GPC2: variants seen among roughly 807,000 people sequenced by gnomAD.
GPC2 encodes the protein glypican 2, also known as glypican-2.
GPC2 carries 42 observed loss-of-function variants against 57.3 expected under a neutral mutation model. That is an observed-to-expected ratio of 0.73 (90% CI 0.57 to 0.95). The LOEUF (loss-of-function observed/expected upper bound fraction) is 0.95, where lower values mean the gene tolerates loss of function less well. Among genes scored for constraint, GPC2 ranks in the 40% least tolerant of loss-of-function variants. The probability of loss-of-function intolerance (pLI) is 0.00; values close to 1 mark genes in which losing one functional copy is unlikely to be tolerated. For missense variants in GPC2, 745 were observed against 793.6 expected, an observed-to-expected ratio of 0.94 and a Z score of 0.74; for synonymous variants, 364 against 343.4, an observed-to-expected ratio of 1.06 and a Z score of -0.66.
Position 100,171,455 on chromosome 7 carries a change from C to A in GPC2, c.1311-19G>T. 1 of 1,370,626 alleles carries A rather than the reference C, an allele frequency of 7.3e-7. No individual in the cohort carries two copies. The highest frequency in any genetic ancestry group is 3.1e-5 in the East Asian group (1 of 32,472). The allele number at this position is 1,370,626 out of a possible 1,614,324, so 84.9% of individuals were successfully genotyped here. A position where few individuals can be genotyped will look rare whatever the true frequency, so the allele number is the denominator to read the frequency against. On this transcript the variant is annotated intron_variant, in intron 8 of 9. Transcript: ENST00000292377. The surrounding 1 kb of genome is among the most constrained non-coding windows in gnomAD (Gnocchi z 4.8). The stretch of plus-strand genomic sequence containing the variant: ...CAAGTACCTGCGAGCAGAGCAGCCC[C>A]GAAGCGCCAGCTAGCGCGCGCGGCC...
chr7:100,177,056 T>G lies in GPC2; in HGVS notation c.144A>C (p.Leu48=). ...CACCTGAGATCAGGGCGGGAGGGAT[T>G]AGGTTTAAGCTATATCCCCGGGCCC... The part of the protein sequence containing the change: ...VLGARGYSLN[L]IPPALISGEH... The change falls in exon 1 of 10, where the codon CTA becomes CTC. Residue 48 remains leucine (L), a synonymous_variant. Coordinates refer to ENST00000292377, the MANE Select transcript of GPC2 (RefSeq NM_152742.3). 4 of 1,509,946 alleles carry G rather than the reference T, an allele frequency of 2.6e-6. No individual in the cohort carries two copies. The South Asian group carries it at 4.5e-5, about 17-fold the overall frequency. The allele number at this position is 1,509,946 out of a possible 1,614,324, so 93.5% of individuals were successfully genotyped here. A position where few individuals can be genotyped will look rare whatever the true frequency, so the allele number is the denominator to read the frequency against.
In GPC2 at chr7:100,173,894, T is replaced by C. The variant is rs756842148; in HGVS notation, c.833A>G (p.Asn278Ser). The C allele has an allele frequency of 8.1e-6, 13 of 1,604,612 alleles. No individual in the cohort carries two copies. Among genetic ancestry groups the C allele is most frequent in the African/African-American group, 4.0e-5 (3 of 74,212 alleles). Residue 278 changes from asparagine to serine, a missense_variant, in exon 5 of 10, where the codon AAC becomes AGC. This residue lies in a region of GPC2 where 607 missense variants were observed against 603.9 expected (regional missense o/e 1.01). Coordinates refer to ENST00000292377, the MANE Select transcript of GPC2 (RefSeq NM_152742.3). The part of the protein sequence containing the change: ...SLMPCQGFCL[N>S]VVRGCLSSRG... ...GCTGCTGAGACAGCCACGAACCACG[T>C]TGAGGCAGAAGCCCTGGCAGGGCAT...
At chr7:100,176,798 G>A (rs933310117) in intron 1 of GPC2, among the ~76,000 whole-genome samples, 9 of 152,182 alleles carry the variant, frequency 5.9e-5, no homozygotes, top group Admixed American at 1.3e-4. Context: ...ACACATAGGG[G>A]GTGTTAATTA....
At chr7:100,172,356 C>T in intron 5 of GPC2, 139 bp from the exon 6 acceptor site, 2 of 913,032 alleles carry the variant, frequency 2.2e-6, no homozygotes, top group Non-Finnish European at 3.3e-6. Flanking sequence ...CTCATGTATC[C>T]CCCCAATTTG....
rs1799262417 is a variant in GPC2 at position 100,175,886 on chromosome 7, G to A, written c.334C>T (p.Leu112=). The A allele has an allele frequency of 6.2e-7, 1 of 1,612,908 alleles. No individual in the cohort carries two copies. The highest frequency in any genetic ancestry group is 1.3e-5 in the African/African-American group (1 of 74,826). Residue 112 remains leucine, a synonymous_variant, in exon 3 of 10, where the codon CTG becomes TTG. Transcript: ENST00000292377. ...ARHRKFDEFF[L]EMLSVAQHSL... ...TGCTGGGCTACTGAGAGCATCTCCAGAAAAAACTCTGCAGCAAATGCAGGG... is the reference window on the plus strand; with the variant it reads ...TGCTGGGCTACTGAGAGCATCTCCAAAAAAAACTCTGCAGCAAATGCAGGG...
At chr7:100,174,799 A>G in intron 3 of GPC2, 34 bp from the exon 4 acceptor site, 1 of 1,553,978 alleles carries the variant, frequency 6.4e-7, no homozygotes. Flanking sequence ...GAAAAACCAC[A>G]AGGTTGTTAT....
At chr7:100,175,117 G>A (rs1033371404) in intron 3 of GPC2, among the ~76,000 whole-genome samples, 5 of 152,200 alleles carry the variant, frequency 3.3e-5, no homozygotes, top group African/African-American at 1.2e-4. Flanking sequence ...GGGAGCCTCA[G>A]TTTTCTCATC....
At position 100,170,473 on chromosome 7, in the gene GPC2, G is replaced by A; in HGVS notation, c.1497C>T (p.Ala499=). 1 of 1,529,826 alleles carries A rather than the reference G, an allele frequency of 6.5e-7. No individual in the cohort carries two copies. The highest frequency in any genetic ancestry group is 8.8e-7 in the Non-Finnish European group (1 of 1,135,016). 94.8% of individuals were successfully genotyped at this position (1,529,826 alleles called of 1,614,324 possible). Residue 499 remains alanine (A), a synonymous_variant, in exon 10 of 10, where the codon GCC becomes GCT. Transcript: ENST00000292377. ...DLDGQDADED[A]SGSGGGQQYA... is the part of the protein sequence containing the mutation. ...ACTGCTGTCCCCCTCCAGAGCCGCT[G>A]GCATCCTCATCTGCAAGGAAGAAGA...
At position 100,177,332 on chromosome 7, in the gene GPC2, T is replaced by G; in HGVS notation, c.-133A>C. The G allele has an allele frequency of 1.4e-6, 1 of 702,430 alleles. No individual in the cohort carries two copies. 43.5% of individuals were successfully genotyped at this position (702,430 alleles called of 1,614,324 possible). A position where few individuals can be genotyped will look rare whatever the true frequency, so the allele number is the denominator to read the frequency against. On this transcript the variant is annotated 5_prime_UTR_variant, in exon 1 of 10. Coordinates refer to ENST00000292377, the MANE Select transcript of GPC2 (RefSeq NM_152742.3). Reference sequence around the variant, plus strand: ...AAGAGCGCTGCTCCGGAAAACTGAATACCGAGCACGATAGCTGGACCAGGC... The same window carrying G: ...AAGAGCGCTGCTCCGGAAAACTGAAGACCGAGCACGATAGCTGGACCAGGC...
chr7:100,170,364 C>T lies in GPC2; in HGVS notation c.1606G>A (p.Gly536Arg), dbSNP rs746924048. Residue 536 changes from glycine (G) to arginine (R), a missense_variant, in exon 10 of 10, where the codon GGG becomes AGG. By Grantham distance (125) the Gly-to-Arg change is moderately radical. This residue lies in a region of GPC2 where 607 missense variants were observed against 603.9 expected (regional missense o/e 1.01). Transcript: ENST00000292377. ...PPYPPRRDGS[G>R]GKGGGGSARY... ...GCACTGCCACCTCCTCCTTTGCCCCCAGAACCATCCCTTCTAGGAGGGTAT... is the reference window on the plus strand; with the variant it reads ...GCACTGCCACCTCCTCCTTTGCCCCTAGAACCATCCCTTCTAGGAGGGTAT... 1 of 1,613,456 alleles carries T rather than the reference C, an allele frequency of 6.2e-7. No individual in the cohort carries two copies. The highest frequency in any genetic ancestry group is 8.5e-7 in the Non-Finnish European group (1 of 1,179,782).
rs1054610375 is a variant in GPC2 at position 100,171,089 on chromosome 7, T to C, written c.1486+172A>G. On this transcript the variant is annotated intron_variant, in intron 9 of 9. Coordinates refer to ENST00000292377, the MANE Select transcript of GPC2 (RefSeq NM_152742.3). The surrounding 1 kb of genome is among the most constrained non-coding windows in gnomAD (Gnocchi z 4.8). ...GCCTGAAAGGATACAGACCCCCTCA[T>C]TGATCTGTTACCCCCAGTCTTTCAG... is the stretch of plus-strand genomic sequence containing the variant. The C allele has an allele frequency of 6.9e-6, 4 of 576,842 alleles. No homozygotes were observed. Among genetic ancestry groups the C allele is most frequent in the Admixed American group, 7.8e-5 (2 of 25,716 alleles). The allele number at this position is 576,842 out of a possible 1,614,324, so 35.7% of individuals were successfully genotyped here. A position where few individuals can be genotyped will look rare whatever the true frequency, so the allele number is the denominator to read the frequency against.
chr7:100,176,315 T>A lies in GPC2; in HGVS notation c.217A>T (p.Thr73Ser). Residue 73 changes from threonine (T) to serine (S), a missense_variant, in exon 2 of 10, where the codon ACA (threonine) becomes TCA (serine). Physicochemically the swap from Thr to Ser is moderately conservative, Grantham distance 58. This residue lies in a region of GPC2 where 138 missense variants were observed against 189.8 expected (regional missense o/e 0.73). Coordinates refer to ENST00000292377, the MANE Select transcript of GPC2 (RefSeq NM_152742.3). ...PQEYTCCSSETEQRLIRETEA... is the reference protein window; with the variant it reads ...PQEYTCCSSESEQRLIRETEA... ...GTCTCCCTGATCAGCCTCTGCTCTG[T>A]CTCACTGGAACAGCAGGTGTACTCC... 6.2e-7 allele frequency: 1 copy of A among 1,614,034 alleles called. No homozygotes were observed. The highest frequency in any genetic ancestry group is 8.5e-7 in the Non-Finnish European group (1 of 1,179,936).
chr7:100,175,827 G>A lies in GPC2; in HGVS notation c.393C>T (p.Gly131=). The change falls in exon 3 of 10, where the codon GGC becomes GGT. Residue 131 remains glycine, a synonymous_variant. Coordinates refer to ENST00000292377, the MANE Select transcript of GPC2 (RefSeq NM_152742.3). ...SLTQLFSHSY[G]RLYAQHALIF... is the part of the protein sequence containing the mutation. The stretch of plus-strand genomic sequence containing the variant: ...TGAGGGCGTGCTGGGCATACAGGCG[G>A]CCGTAGGAGTGGGAGAAGAGCTGGG... 1 of 1,614,082 alleles carries A rather than the reference G, an allele frequency of 6.2e-7. No homozygotes were observed. The highest frequency in any genetic ancestry group is 8.5e-7 in the Non-Finnish European group (1 of 1,180,000).
Position 100,177,146 on chromosome 7 carries a change from A to G in GPC2, c.54T>C (p.Pro18=), listed in dbSNP as rs370769155. 40 of 1,613,704 alleles carry G rather than the reference A, an allele frequency of 2.5e-5. No homozygotes were observed. The African/African-American group carries it at 4.8e-4, about 19-fold the overall frequency. ...TTGCCTCGCTCCCGGGTCCGGGACC[A>G]GGACCGGGACACAGAGGCAGCAGCA... ...LLLLLPLCPG[P]GPGPGSEAKV... is the part of the protein sequence containing the mutation. Residue 18 remains proline (P), a synonymous_variant, in exon 1 of 10, where the codon CCT becomes CCC. Transcript: ENST00000292377.
rs1490913787 is a variant in GPC2 at position 100,177,022 on chromosome 7, C to T, written c.166+12G>A. On this transcript the variant is annotated intron_variant, in intron 1 of 9. Coordinates refer to ENST00000292377, the MANE Select transcript of GPC2 (RefSeq NM_152742.3). ...CCACCCCCAATTCTCTAGTCTTCCTCTTTCTCCTCACCTGAGATCAGGGCG... is the reference window on the plus strand; with the variant it reads ...CCACCCCCAATTCTCTAGTCTTCCTTTTTCTCCTCACCTGAGATCAGGGCG... 3 of 750,190 alleles carry T rather than the reference C, an allele frequency of 4.0e-6. No homozygotes were observed. The highest frequency in any genetic ancestry group is 3.8e-5 in the African/African-American group (2 of 52,038). The allele number at this position is 750,190 out of a possible 1,614,324, so 46.5% of individuals were successfully genotyped here.
Position 100,171,175 on chromosome 7 carries a change from C to G in GPC2, c.1486+86G>C, listed in dbSNP as rs1799169293. On this transcript the variant is annotated intron_variant, in intron 9 of 9. Transcript: ENST00000292377. The surrounding 1 kb of genome is among the most constrained non-coding windows in gnomAD (Gnocchi z 4.8). ...TGAATTAATCAATGAACGCTAAGAG[C>G]AGAGGCACGGGCGGGAACTACCAGG... 1 of 1,188,146 alleles carries G rather than the reference C, an allele frequency of 8.4e-7. No homozygotes were observed. Among genetic ancestry groups the G allele is most frequent in the Non-Finnish European group, 1.1e-6 (1 of 874,818 alleles). 73.6% of individuals were successfully genotyped at this position (1,188,146 alleles called of 1,614,324 possible).
chr7:100,172,339 G>A lies in GPC2; in HGVS notation c.893-122C>T, dbSNP rs535845348. 32 of 1,070,066 alleles carry A rather than the reference G, an allele frequency of 3.0e-5. No individual in the cohort carries two copies. In the African/African-American group the frequency reaches 5.0e-4, roughly 17 times the overall value. The allele number at this position is 1,070,066 out of a possible 1,614,324, so 66.3% of individuals were successfully genotyped here. A position where few individuals can be genotyped will look rare whatever the true frequency, so the allele number is the denominator to read the frequency against. ...AAGTGTTTGGGGGAAACTCACATGA[G>A]CTCCCTCTCATGTATCCCCCCAATT... On this transcript the variant is annotated intron_variant, in intron 5 of 9. Coordinates refer to ENST00000292377, the MANE Select transcript of GPC2 (RefSeq NM_152742.3).
At chr7:100,173,672 T>TTCTC in intron 5 of GPC2, 163 bp downstream of exon 5, 2 of 330,316 alleles carry the variant, frequency 6.1e-6, no homozygotes, top group Non-Finnish European at 1.0e-5. Flanking sequence ...CTCTCTTTCT[T>TTCTC]TCTCTCTCTC....
In GPC2 at chr7:100,171,589, C is replaced by A. The variant is rs1296291670; in HGVS notation, c.1260G>T (p.Ala420=). The change falls in exon 8 of 10, where the codon GCG becomes GCT. Residue 420 remains alanine, a synonymous_variant. Transcript: ENST00000292377. The surrounding 1 kb of genome is among the most constrained non-coding windows in gnomAD (Gnocchi z 4.8). ...AGGGCGCCGCCTCCAGCGAGGCGTC[C>A]GCTGCCATGCGAGAGTCTCCGCACA... ...LTVCGDSRMA[A]DASLEAAPCW... is the part of the protein sequence containing the mutation. The A allele has an allele frequency of 1.3e-5, 20 of 1,515,106 alleles. No individual in the cohort carries two copies. The highest frequency in any genetic ancestry group is 1.7e-5 in the Non-Finnish European group (19 of 1,143,902). The allele number at this position is 1,515,106 out of a possible 1,614,324, so 93.9% of individuals were successfully genotyped here.
Sources: gnomAD v4.1 joint callset for allele counts (sites outside exome capture counted in the v4.1 genomes callset) on GRCh38, gnomAD v4.1.1 for gene constraint, gnomAD v4.1.1 regional missense constraint, Gnocchi (gnomAD v3.1) non-coding constraint, MANE v1.5 for transcripts, NCBI Gene and HGNC (gene_info 2026-07-23, HGNC 2026-07-21) for gene names.